NKAIN2: variants seen among roughly 807,000 people sequenced by gnomAD.
NKAIN2 encodes the protein sodium/potassium transporting ATPase interacting 2.
NKAIN2 carries 14 observed loss-of-function variants against 32.6 expected under a neutral mutation model. The observed-to-expected ratio is 0.43, with a 90% CI of 0.28 to 0.67. The LOEUF is 0.67. NKAIN2 is among the 30% of genes least tolerant of loss of function. NKAIN2 has a pLI of 0.17. For missense variants in NKAIN2, 198 were observed against 258.3 expected, an observed-to-expected ratio of 0.77 and a Z score of 1.60; for synonymous variants, 80 against 87.2, an observed-to-expected ratio of 0.92 and a Z score of 0.46.
intron 3 of NKAIN2, among the ~76,000 whole-genome samples, chr6:124,652,926 G>T (rs1784415851): frequency 6.6e-6 from 1 of 152,020 alleles, no homozygotes; most frequent in African/African-American, 2.4e-5. Context: ...CACAATTTTG[G>T]GGGATACATT....
At chr6:124,683,768 A>C (rs1773734580) in intron 4 of NKAIN2, among the ~76,000 whole-genome samples, 1 of 152,196 alleles carries the variant, frequency 6.6e-6, no homozygotes, top group African/African-American at 2.4e-5. Flanking sequence ...CAAAAGGGGC[A>C]GCTGTTCTTA....
intron 3 of NKAIN2, among the ~76,000 whole-genome samples, chr6:124,424,372 A>G (rs1583230837): frequency 1.3e-5 from 2 of 152,208 alleles, no homozygotes; most frequent in South Asian, 4.1e-4. Flanking sequence ...AGCTCATTAC[A>G]TAGTTACTAC....
At chr6:124,035,931 A>T (rs1009931360) in intron 1 of NKAIN2, among the ~76,000 whole-genome samples, 3 of 152,122 alleles carry the variant, frequency 2.0e-5, no homozygotes, top group African/African-American at 7.2e-5. Context: ...GGAGTATTTG[A>T]TAATAATATT....
chr6:124,816,175 G>T (rs1242256615), intron 5 of NKAIN2, among the ~76,000 whole-genome samples: 2 of 152,122 alleles, frequency 1.3e-5, no homozygotes, highest in African/African-American at 4.8e-5. Context: ...GGTGAAAGAA[G>T]CCAGCCAGAA....
At chr6:124,247,966 A>G (rs1200193784) in intron 1 of NKAIN2, among the ~76,000 whole-genome samples, 1 of 152,078 alleles carries the variant, frequency 6.6e-6, no homozygotes, top group African/African-American at 2.4e-5. Flanking sequence ...TGAAATAATC[A>G]ATGCATAGAA....
intron 5 of NKAIN2, among the ~76,000 whole-genome samples, chr6:124,802,061 A>G (rs938361444): frequency 2.6e-5 from 4 of 152,210 alleles, no homozygotes; most frequent in Non-Finnish European, 5.9e-5. Context: ...TTCTAAGAAG[A>G]TGATTAATTT....
At chr6:123,916,887 C>T (rs1775530073) in intron 1 of NKAIN2, among the ~76,000 whole-genome samples, 1 of 152,032 alleles carries the variant, frequency 6.6e-6, no homozygotes, top group African/African-American at 2.4e-5. Flanking sequence ...CTACCTACCT[C>T]TCTCTGTATC....
intron 3 of NKAIN2, among the ~76,000 whole-genome samples, chr6:124,628,612 G>A (rs928747605): frequency 6.6e-6 from 1 of 151,710 alleles, no homozygotes; most frequent in East Asian, 1.9e-4. Context: ...GATCCATCTA[G>A]TATAAGGTTT....
chr6:124,037,713 G>A lies in NKAIN2; in HGVS notation c.54+233459G>A, dbSNP rs1323281226. Among the ~76,000 whole-genome samples, 4 of 152,016 alleles carry A rather than the reference G, an allele frequency of 2.6e-5. No homozygotes were observed. The East Asian group carries it at 5.8e-4, about 22-fold the overall frequency. On this transcript the variant is annotated intron_variant, in intron 1 of 6. Transcript: ENST00000368417. ...ACATTTGTCCGAAGACTACAGTTAC[G>A]GAATTCCAAAGGCCAGTCGCTAATA...
chr6:124,620,095 A>G (rs1395599654), intron 3 of NKAIN2, among the ~76,000 whole-genome samples: 2 of 146,772 alleles, frequency 1.4e-5, no homozygotes, highest in Non-Finnish European at 3.0e-5. Flanking sequence ...CTTTGATGTA[A>G]CTGACATAGA....
chr6:124,581,161 C>T (rs1294861469), intron 3 of NKAIN2, among the ~76,000 whole-genome samples: 1 of 152,104 alleles, frequency 6.6e-6, no homozygotes, highest in South Asian at 2.1e-4. Flanking sequence ...AACATTGGGC[C>T]GGGCGCGGTG....
At chr6:124,440,810 C>G (rs149214923) in intron 3 of NKAIN2, among the ~76,000 whole-genome samples, 8 of 152,120 alleles carry the variant, frequency 5.3e-5, no homozygotes, top group African/African-American at 1.7e-4. Context: ...GAAGTATGTT[C>G]TCTCTCAGAA....
rs61588781 is a variant in NKAIN2 at position 124,369,880 on chromosome 6, A to ATTTTTTTT, written c.273+14544_273+14551dup. Among the ~76,000 whole-genome samples, 247 of 82,360 alleles carry ATTTTTTTT rather than the reference A, an allele frequency of 3.0e-3. 24 individuals carry two copies. Among genetic ancestry groups the ATTTTTTTT allele is most frequent in the African/African-American group, 0.012 (210 of 17,506 alleles). The allele number at this position is 82,360 out of a possible 152,430, so 54.0% of individuals were successfully genotyped here. On this transcript the variant is annotated intron_variant, in intron 3 of 6. Coordinates refer to ENST00000368417, the MANE Select transcript of NKAIN2 (RefSeq NM_001040214.3). Reference sequence around the variant, plus strand: ...ATTTGCTTTAGAGGGCAGAATGTCAATTTTTTTTTTTTTTTTTTAACCTGT... The same window carrying ATTTTTTTT: ...ATTTGCTTTAGAGGGCAGAATGTCAATTTTTTTTTTTTTTTTTTTTTTTTTTAACCTGT...
chr6:124,624,751 A>G (rs1219716170), intron 3 of NKAIN2, among the ~76,000 whole-genome samples: 1 of 152,166 alleles, frequency 6.6e-6, no homozygotes, highest in Non-Finnish European at 1.5e-5. Context: ...ATACTCTAAC[A>G]CAAGTCTATT....
chr6:124,626,142 G>T (rs1783332896), intron 3 of NKAIN2, among the ~76,000 whole-genome samples: 1 of 129,936 alleles, frequency 7.7e-6, no homozygotes, highest in Admixed American at 9.1e-5. Flanking sequence ...TAATGTATTT[G>T]TATCACCACT....
At chr6:124,215,577 A>G (rs965738231) in intron 1 of NKAIN2, among the ~76,000 whole-genome samples, 15 of 152,306 alleles carry the variant, frequency 9.8e-5, no homozygotes, top group Middle Eastern at 3.4e-3. Flanking sequence ...TTGTTTTTCA[A>G]CTAACTGCTA....
At chr6:124,275,786 G>C (rs1795000638) in intron 1 of NKAIN2, among the ~76,000 whole-genome samples, 1 of 151,888 alleles carries the variant, frequency 6.6e-6, no homozygotes, top group Non-Finnish European at 1.5e-5. Context: ...GAATGATAAT[G>C]CACTAAAACA....
intron 3 of NKAIN2, among the ~76,000 whole-genome samples, chr6:124,444,767 C>CA (rs1185419657): frequency 3.3e-5 from 5 of 151,648 alleles, no homozygotes; most frequent in African/African-American, 4.8e-5. Context: ...ACAAAAATTA[C>CA]AAAAAAGAAG....
At chr6:124,224,025 C>T (rs973401919) in intron 1 of NKAIN2, among the ~76,000 whole-genome samples, 15 of 151,906 alleles carry the variant, frequency 9.9e-5, no homozygotes, top group African/African-American at 2.9e-4. Flanking sequence ...TGTGGGATTT[C>T]GAAGTTTGTT....
Sources: gnomAD v4.1 joint callset for allele counts (sites outside exome capture counted in the v4.1 genomes callset) on GRCh38, gnomAD v4.1.1 for gene constraint, MANE v1.5 for transcripts, NCBI Gene and HGNC (gene_info 2026-07-23, HGNC 2026-07-21) for gene names.